BSCL2: variants seen among roughly 807,000 people sequenced by gnomAD.
The protein encoded by BSCL2 is BSCL2 lipid droplet biogenesis associated, seipin, also known as seipin.
Under a neutral mutation model 57.4 loss-of-function variants are expected in BSCL2, and 41 were observed. The ratio of observed to expected loss-of-function variants is 0.71; its 90% CI spans 0.56 to 0.93. The LOEUF is 0.93. BSCL2 is among the 40% of genes least tolerant of loss of function. BSCL2 has a pLI of 0.00. For missense variants in BSCL2, 539 were observed against 586.7 expected (o/e 0.92, Z 0.84); for synonymous variants, 237 against 227.3 (o/e 1.04, Z -0.38).
At chr11:62,701,698 GGC>G (rs1945644092) in intron 3 of BSCL2, among the ~76,000 whole-genome samples, 1 of 152,034 alleles carries the variant, frequency 6.6e-6, no homozygotes, top group Non-Finnish European at 1.5e-5. Context: ...TGGGTGTGGT[GGC>G]GCGCTCCTGT....
intron 3 of BSCL2, among the ~76,000 whole-genome samples, chr11:62,700,624 G>A (rs1945610424): frequency 6.6e-6 from 1 of 152,030 alleles, no homozygotes; most frequent in Non-Finnish European, 1.5e-5. Context: ...CTGGGCGACA[G>A]GAAAGAAACT....
chr11:62,706,368 C>CCAGGGCGGGGTCCAGCACGGCGGGG (rs2083536140), intron 1 of BSCL2: 1 of 1,055,436 alleles, frequency 9.5e-7, no homozygotes, highest in African/African-American at 1.7e-5. Flanking sequence ...GGGCTTCAGC[C>CCAGGGCGGGGTCCAGCACGGCGGGG]CAGGGCGGGG....
intron 4 of BSCL2, 50 bp downstream of exon 4, chr11:62,694,518 G>T (rs1369486179): frequency 1.9e-6 from 3 of 1,612,876 alleles, no homozygotes; most frequent in South Asian, 1.1e-5. Flanking sequence ...TACCCATTCT[G>T]ATCCTGCCAT....
chr11:62,697,780 A>G (rs1193996571), intron 3 of BSCL2, among the ~76,000 whole-genome samples: 1 of 149,476 alleles, frequency 6.7e-6, no homozygotes, highest in Non-Finnish European at 1.5e-5. Context: ...GGCAACAGAG[A>G]GAGACTCTGT....
In BSCL2 at chr11:62,694,686, C is replaced by T. The variant is rs377609967; in HGVS notation, c.512G>A (p.Arg171His). The change falls in exon 4 of 11, where the codon CGT becomes CAT. Residue 171 changes from arginine to histidine, a missense_variant. Arg to His is a conservative substitution (Grantham distance 29). Transcript: ENST00000360796. ...TGGCAGCTCAAGCTCTAAGGTAACA[C>T]GATACGGCTGTCCATACATCAGCAC... ...DRVLMYGQPY[R>H]VTLELELPES... The T allele has an allele frequency of 8.1e-6, 13 of 1,614,134 alleles. No individual in the cohort carries two copies. The highest frequency in any genetic ancestry group is 3.3e-5 in the South Asian group (3 of 91,070).
intron 3 of BSCL2, among the ~76,000 whole-genome samples, chr11:62,701,312 T>C (rs1945630775): frequency 1.3e-5 from 2 of 152,222 alleles, no homozygotes; most frequent in Non-Finnish European, 2.9e-5. Context: ...CCTCAGTTTA[T>C]GATGGGGTTA....
intron 3 of BSCL2, among the ~76,000 whole-genome samples, chr11:62,695,479 C>G (rs553435748): frequency 6.6e-6 from 1 of 151,010 alleles, no homozygotes; most frequent in African/African-American, 2.4e-5. Flanking sequence ...GAGGCCAAGG[C>G]AGGTGGATCA....
chr11:62,700,641 C>CAAATAAAT (rs761254407), intron 3 of BSCL2, among the ~76,000 whole-genome samples: 4 of 151,868 alleles, frequency 2.6e-5, no homozygotes, highest in African/African-American at 7.3e-5. Flanking sequence ...AACTCCGTCT[C>CAAATAAAT]AAATAAATAA....
intron 3 of BSCL2, among the ~76,000 whole-genome samples, chr11:62,695,142 G>A (rs956830937): frequency 9.2e-5 from 14 of 152,128 alleles, no homozygotes; most frequent in Non-Finnish European, 1.5e-4. Context: ...AGTCATCCTC[G>A]CTCCAGATCA....
At chr11:62,692,907 G>T in intron 4 of BSCL2, 110 bp from the exon 5 acceptor site, 1 of 1,440,754 alleles carries the variant, frequency 6.9e-7, no homozygotes, top group Non-Finnish European at 9.5e-7. Flanking sequence ...TTCTTCCTCA[G>T]GTCCCTGGCT....
chr11:62,690,419 G>GA lies in BSCL2; in HGVS notation c.1336dup (p.Ser446PhefsTer2), dbSNP rs772211936. 50 of 1,614,186 alleles carry GA rather than the reference G, an allele frequency of 3.1e-5. No homozygotes were observed. The highest frequency in any genetic ancestry group is 3.0e-5 in the Non-Finnish European group (35 of 1,180,038). On this transcript the variant is annotated frameshift_variant, in exon 11 of 11. Transcript: ENST00000360796. LOFTEE classifies it high-confidence loss of function. Reference sequence around the variant, plus strand: ...TCGGAGAGCACCCCCAGCAGGTTCAGAGCTGCCCAGAGTCTCTAGGACAGG... The same window carrying GA: ...TCGGAGAGCACCCCCAGCAGGTTCAGAAGCTGCCCAGAGTCTCTAGGACAGG...
intron 6 of BSCL2, 113 bp from the exon 7 acceptor site, chr11:62,691,534 C>T: frequency 7.8e-7 from 1 of 1,282,282 alleles, no homozygotes. Context: ...TTACAGCTGG[C>T]TCTGTCACCC....
rs1159313355 is a variant in BSCL2 at position 62,692,496 on chromosome 11, T to A, written c.766-23A>T. 6.2e-6 allele frequency: 10 copies of A among 1,612,410 alleles called. No homozygotes were observed. The South Asian group carries it at 1.1e-4, about 18-fold the overall frequency. Reference sequence around the variant, plus strand: ...GTACTGTGAGGGGGTGGGGTGAGGGTGGCGTCAGGCCAGGGTCCTGCCGCT... The same window carrying A: ...GTACTGTGAGGGGGTGGGGTGAGGGAGGCGTCAGGCCAGGGTCCTGCCGCT... On this transcript the variant is annotated intron_variant, in intron 5 of 10. Transcript: ENST00000360796.
upstream of BSCL2, chr11:62,709,320 G>C: frequency 2.2e-6 from 1 of 454,114 alleles, no homozygotes; most frequent in Non-Finnish European, 4.4e-6. Flanking sequence ...GGAGATCAGA[G>C]GGGTCGGGGG....
Position 62,702,916 on chromosome 11 carries a change from C to T in BSCL2, c.405-367G>A, listed in dbSNP as rs189827142. Among the ~76,000 whole-genome samples, 51 of 152,030 alleles carry T rather than the reference C, an allele frequency of 3.4e-4. 1 individual carries two copies. The East Asian group carries it at 8.7e-3, about 26-fold the overall frequency. ...CTGTAATCCCAGCACTTTTGGAGGC[C>T]GAGGAGGGCGGATCACCTGAGGTCA... On this transcript the variant is annotated intron_variant, in intron 2 of 10. Transcript: ENST00000360796.
upstream of BSCL2, chr11:62,708,028 G>A (rs2083572053): frequency 2.0e-6 from 1 of 492,768 alleles, no homozygotes; most frequent in African/African-American, 1.9e-5. Flanking sequence ...CACATGGTTT[G>A]AAGGGCTGAA....
chr11:62,693,445 C>T (rs952527597), intron 4 of BSCL2, among the ~76,000 whole-genome samples: 4 of 151,836 alleles, frequency 2.6e-5, no homozygotes, highest in East Asian at 1.9e-4. Context: ...TGAAGGTTGC[C>T]GTGAGCCGAG....
At position 62,692,397 on chromosome 11, in the gene BSCL2, T is replaced by C; in HGVS notation, c.842A>G (p.His281Arg). The C allele has an allele frequency of 6.2e-7, 1 of 1,614,100 alleles. No individual in the cohort carries two copies. Among genetic ancestry groups the C allele is most frequent in the Non-Finnish European group, 8.5e-7 (1 of 1,180,018 alleles). Reference sequence around the variant, plus strand: ...TCACCTGAGCCCAGTGAAGTGCGCGTGGATGCGGAGGTAGGCTCCATACAG... The same window carrying C: ...TCACCTGAGCCCAGTGAAGTGCGCGCGGATGCGGAGGTAGGCTCCATACAG... ...IQLYGAYLRIHAHFTGLRYLL... is the reference protein window; with the variant it reads ...IQLYGAYLRIRAHFTGLRYLL... Residue 281 changes from histidine (H) to arginine (R), a missense_variant, in exon 6 of 11, where the codon CAC becomes CGC. Physicochemically the swap from His to Arg is conservative, Grantham distance 29. Coordinates refer to ENST00000360796, the MANE Select transcript of BSCL2 (RefSeq NM_001122955.4).
At position 62,702,546 on chromosome 11, in the gene BSCL2, G is replaced by A. The variant is rs754001369; in HGVS notation, c.408C>T (p.Thr136=). 5.6e-6 allele frequency: 9 copies of A among 1,610,512 alleles called. No homozygotes were observed. Among genetic ancestry groups the A allele is most frequent in the South Asian group, 2.2e-5 (2 of 90,974 alleles). Residue 136 remains threonine, a synonymous_variant, in exon 3 of 11, where the codon ACC becomes ACT. Transcript: ENST00000360796. Reference sequence around the variant, plus strand: ...GTGAGGTGGTGGAGGAATCACAGTCGGTCCTAAATGAGATTGGAGGAGGAT... The same window carrying A: ...GTGAGGTGGTGGAGGAATCACAGTCAGTCCTAAATGAGATTGGAGGAGGAT... ...HLSPVHFYYR[T]DCDSSTTSLC...
Sources: gnomAD v4.1 joint callset for allele counts (sites outside exome capture counted in the v4.1 genomes callset) on GRCh38, gnomAD v4.1.1 for gene constraint, MANE v1.5 for transcripts, NCBI Gene and HGNC (gene_info 2026-07-23, HGNC 2026-07-21) for gene names.